Variants in SYT6 observed in about 807,000 individuals in gnomAD.
SYT6 encodes synaptotagmin-6.
Under a neutral mutation model 38.4 loss-of-function variants are expected in SYT6, and 24 were observed. That is an observed-to-expected ratio of 0.62 (90% confidence interval 0.45 to 0.88). The LOEUF is 0.88. Among genes scored for constraint, SYT6 ranks in the 40% least tolerant of loss-of-function variants. The pLI is 0.00. For missense variants in SYT6, 611 were observed against 621.0 expected (o/e 0.98, Z 0.17); for synonymous variants, 265 against 241.9 (o/e 1.10, Z -0.89).
intron 4 of SYT6, among the ~76,000 whole-genome samples, chr1:114,101,714 C>T (rs1675979855): frequency 6.6e-6 from 1 of 152,182 alleles, no homozygotes; most frequent in African/African-American, 2.4e-5. Context: ...CAAACTCATC[C>T]TCAAGAACAG....
intron 7 of SYT6, among the ~76,000 whole-genome samples, chr1:114,092,336 C>CTGTG (rs1392496871): frequency 8.5e-5 from 11 of 130,012 alleles, no homozygotes; most frequent in African/African-American, 2.1e-4. Flanking sequence ...CTCTCTCTCT[C>CTGTG]TCTGTGTGTG....
intron 1 of SYT6, among the ~76,000 whole-genome samples, chr1:114,143,223 T>C (rs926768091): frequency 2.7e-5 from 4 of 149,274 alleles, no homozygotes; most frequent in Admixed American, 6.7e-5. Context: ...AATTCTATTG[T>C]GCTATTCTAA....
chr1:114,128,883 T>C (rs1428553097), intron 3 of SYT6, among the ~76,000 whole-genome samples: 1 of 152,212 alleles, frequency 6.6e-6, no homozygotes, highest in Non-Finnish European at 1.5e-5. Flanking sequence ...CTTATTCCAC[T>C]GGGATCTCAA....
At chr1:114,150,268 A>G (rs1679377763) in intron 1 of SYT6, among the ~76,000 whole-genome samples, 2 of 152,186 alleles carry the variant, frequency 1.3e-5, no homozygotes, top group South Asian at 2.1e-4. Flanking sequence ...CGTTCTCATC[A>G]AAGTCAGAGG....
chr1:114,146,858 T>C (rs1347632415), intron 1 of SYT6, among the ~76,000 whole-genome samples: 1 of 152,190 alleles, frequency 6.6e-6, no homozygotes. Context: ...CATCTATAAA[T>C]TGGGGGTAAT....
intron 3 of SYT6, among the ~76,000 whole-genome samples, chr1:114,117,118 C>T (rs771834569): frequency 2.6e-5 from 4 of 152,204 alleles, no homozygotes; most frequent in Non-Finnish European, 5.9e-5. Flanking sequence ...ACCTGGGGTT[C>T]GAATCCCTGC....
intron 2 of SYT6, among the ~76,000 whole-genome samples, chr1:114,138,424 C>A (rs1678643007): frequency 1.3e-5 from 2 of 152,122 alleles, no homozygotes; most frequent in South Asian, 4.1e-4. Flanking sequence ...AAGGACCATC[C>A]CTTCTTATCC....
intron 1 of SYT6, chr1:114,152,631 G>C (rs1679504791): frequency 6.6e-6 from 1 of 152,262 alleles, no homozygotes; most frequent in African/African-American, 2.4e-5. Context: ...ACCCTGGGCC[G>C]GCCGCCACGT....
At position 114,137,992 on chromosome 1, in the gene SYT6, T is replaced by G. The variant is rs201435875; in HGVS notation, c.574A>C (p.Asn192His). Residue 192 changes from asparagine (N) to histidine (H), a missense_variant, in exon 3 of 8, where the codon AAT (asparagine) becomes CAT (histidine). Coordinates refer to ENST00000610222, the MANE Select transcript of SYT6 (RefSeq NM_001253772.2). ...TGCTCTGCTGCTGGTGGAAGCTCAT[T>G]GCCATAGTCTACACTGGAGACATGC... is the stretch of plus-strand genomic sequence containing the variant. ...QMHVSSVDYGNELPPAAEQPT... is the reference protein window; with the variant it reads ...QMHVSSVDYGHELPPAAEQPT... 1 of 1,613,942 alleles carries G rather than the reference T, an allele frequency of 6.2e-7. No individual in the cohort carries two copies. Among genetic ancestry groups the G allele is most frequent in the East Asian group, 2.2e-5 (1 of 44,854 alleles).
chr1:114,121,092 T>C (rs1303514201), intron 3 of SYT6, among the ~76,000 whole-genome samples: 3 of 152,222 alleles, frequency 2.0e-5, no homozygotes, highest in Non-Finnish European at 1.5e-5. Flanking sequence ...AGGTTGGCAG[T>C]CCCTGTGAGG....
At chr1:114,094,062 A>G (rs1675482034) in intron 6 of SYT6, among the ~76,000 whole-genome samples, 1 of 152,166 alleles carries the variant, frequency 6.6e-6, no homozygotes, top group South Asian at 2.1e-4. Context: ...AGAAAACATA[A>G]AAGGACTACA....
At chr1:114,099,982 C>A (rs750973071) in intron 4 of SYT6, among the ~76,000 whole-genome samples, 5 of 152,116 alleles carry the variant, frequency 3.3e-5, no homozygotes, top group Non-Finnish European at 5.9e-5. Flanking sequence ...AGACTCAGGG[C>A]AGCTGGTTGA....
chr1:114,103,771 C>T (rs569763009), intron 3 of SYT6, 50 bp from the exon 4 acceptor site: 1 of 1,590,194 alleles, frequency 6.3e-7, no homozygotes, highest in African/African-American at 1.3e-5. Context: ...AGACCATGGG[C>T]CTCATGTCCA....
rs1571911891 is a variant in SYT6 at position 114,153,727 on chromosome 1, G to A, written c.46C>T (p.Leu16Phe). ...GAGGPRCQEALAVLASLCRAR... is the reference protein window; with the variant it reads ...GAGGPRCQEAFAVLASLCRAR... ...CGGCACAGCGAGGCGAGGACCGCGA[G>A]CGCCTCCTGGCACCGAGGCCCGCCG... is the stretch of plus-strand genomic sequence containing the variant. The change falls in exon 1 of 8, where the codon CTC (leucine) becomes TTC (phenylalanine). Residue 16 changes from leucine (L) to phenylalanine (F), a missense_variant. Coordinates refer to ENST00000610222, the MANE Select transcript of SYT6 (RefSeq NM_001253772.2). 1.5e-6 allele frequency: 1 copy of A among 682,594 alleles called. No homozygotes were observed. The highest frequency in any genetic ancestry group is 2.7e-6 in the Non-Finnish European group (1 of 375,336). The allele number at this position is 682,594 out of a possible 1,614,324, so 42.3% of individuals were successfully genotyped here. A position where few individuals can be genotyped will look rare whatever the true frequency, so the allele number is the denominator to read the frequency against.
rs1678733010 is a variant in SYT6 at position 114,139,645 on chromosome 1, C to T, written c.482G>A (p.Arg161Gln). 8.7e-6 allele frequency: 14 copies of T among 1,614,002 alleles called. No homozygotes were observed. Among genetic ancestry groups the T allele is most frequent in the Admixed American group, 1.7e-5 (1 of 59,992 alleles). The change falls in exon 2 of 8, where the codon CGG (arginine) becomes CAG (glutamine). Residue 161 changes from arginine (R) to glutamine (Q), a missense_variant. Arg to Gln is a conservative substitution (Grantham distance 43). Coordinates refer to ENST00000610222, the MANE Select transcript of SYT6 (RefSeq NM_001253772.2). ...GGATGACGCTGGCTCTGTAGTTTGC[C>T]GCTGCAGCCGGGTGTGACGCATGAT... ...EHIMRHTRLQ[R>Q]QTTEPASSTR...
chr1:114,116,140 A>G (rs1172573779), intron 3 of SYT6, among the ~76,000 whole-genome samples: 3 of 152,320 alleles, frequency 2.0e-5, no homozygotes, highest in South Asian at 2.1e-4. Flanking sequence ...ACAGACTATG[A>G]GAGGATACAT....
At chr1:114,098,710 AG>A in intron 5 of SYT6, among the ~76,000 whole-genome samples, 1 of 152,316 alleles carries the variant, frequency 6.6e-6, no homozygotes, top group African/African-American at 2.4e-5. Context: ...GGCAGGGGTC[AG>A]CTAGGAGGCT....
intron 3 of SYT6, among the ~76,000 whole-genome samples, chr1:114,111,388 C>A (rs1275735080): frequency 6.6e-6 from 1 of 152,194 alleles, no homozygotes; most frequent in African/African-American, 2.4e-5. Context: ...CACACAGCTA[C>A]TAAATGGCAC....
At chr1:114,093,668 C>T in intron 7 of SYT6, 67 bp downstream of exon 7, 1 of 1,480,758 alleles carries the variant, frequency 6.8e-7, no homozygotes, top group East Asian at 2.3e-5. Flanking sequence ...TCTGGCCACA[C>T]TAGGGGAAGA....
Sources: allele counts gnomAD v4.1 joint callset (sites outside exome capture counted in the v4.1 genomes callset), GRCh38; gene constraint gnomAD v4.1.1; transcripts MANE v1.5; gene names NCBI Gene and HGNC (gene_info 2026-07-23, HGNC 2026-07-21).